CRHBP: variants seen among roughly 807,000 people sequenced by gnomAD.
CRHBP encodes corticotropin-releasing hormone-binding protein.
Under a neutral mutation model 34.9 loss-of-function variants are expected in CRHBP, and 19 were observed. That is an observed-to-expected ratio of 0.55 (90% CI 0.38 to 0.80). The LOEUF (loss-of-function observed/expected upper bound fraction) is 0.80, where lower values mean the gene tolerates loss of function less well. Ranked by LOEUF, CRHBP falls within the 30% of genes least tolerant of loss-of-function variation. CRHBP has a pLI of 0.00. For synonymous variants in CRHBP, 154 were observed against 153.4 expected (o/e 1.00, Z -0.03); for missense variants, 328 against 409.2 (o/e 0.80, Z 1.71).
chr5:76,953,054 C>G lies in CRHBP; in HGVS notation c.-81C>G. ...GCAAAGGGACCCTACCAGCTTCTAG[C>G]TCTCAGTCTGCGCGAGGGTGTAGGA... On this transcript the variant is annotated 5_prime_UTR_variant, in exon 1 of 7. Transcript: ENST00000274368. The G allele has an allele frequency of 2.1e-6, 3 of 1,419,138 alleles. No homozygotes were observed. The highest frequency in any genetic ancestry group is 3.0e-6 in the Non-Finnish European group (3 of 1,004,958). The allele number at this position is 1,419,138 out of a possible 1,614,324, so 87.9% of individuals were successfully genotyped here.
intron 2 of CRHBP, among the ~76,000 whole-genome samples, chr5:76,975,956 G>T (rs1355818985): frequency 7.1e-6 from 1 of 141,584 alleles, no homozygotes. Context: ...ATATATATGC[G>T]TGTATATATA....
At chr5:76,975,845 T>TATATATATACAC (rs1237085128) in intron 2 of CRHBP, among the ~76,000 whole-genome samples, 15 of 97,638 alleles carry the variant, frequency 1.5e-4, no homozygotes, top group African/African-American at 8.6e-4. Context: ...TATATATATA[T>TATATATATACAC]ACACGCATAT....
chr5:76,957,915 T>C (rs1745711640), intron 4 of CRHBP, among the ~76,000 whole-genome samples: 1 of 152,058 alleles, frequency 6.6e-6, no homozygotes, highest in African/African-American at 2.4e-5. Flanking sequence ...ATCCTACACT[T>C]TGGGAGGCTG....
downstream of CRHBP, among the ~76,000 whole-genome samples, chr5:76,970,840 A>G (rs112483229): frequency 6.6e-6 from 1 of 152,216 alleles, no homozygotes; most frequent in African/African-American, 2.4e-5. Flanking sequence ...GCCTCTCTGC[A>G]GTAAGACAGG....
At position 76,957,038 on chromosome 5, in the gene CRHBP, T is replaced by C. The variant is rs148269530; in HGVS notation, c.544+1175T>C. Among the ~76,000 whole-genome samples, 750 of 152,168 alleles carry C rather than the reference T, an allele frequency of 4.9e-3. 4 individuals carry two copies. Among genetic ancestry groups the C allele is most frequent in the African/African-American group, 0.017 (699 of 41,512 alleles). On this transcript the variant is annotated intron_variant, in intron 4 of 6. Coordinates refer to ENST00000274368, the MANE Select transcript of CRHBP (RefSeq NM_001882.4). ...AGAGTTTCCCCTATATTTTGTTTAG[T>C]TAGAAATCAGAAACCTCCTGGGCCA...
chr5:76,976,597 G>T (rs368300346), intron 3 of CRHBP: 1 of 152,166 alleles, frequency 6.6e-6, no homozygotes, highest in African/African-American at 2.4e-5. Flanking sequence ...GCTTCGTTAC[G>T]TGTCAGGTAT....
At position 76,953,089 on chromosome 5, in the gene CRHBP, C is replaced by A. The variant is rs780933757; in HGVS notation, c.-46C>A. 1.2e-6 allele frequency: 2 copies of A among 1,601,616 alleles called. No individual in the cohort carries two copies. Among genetic ancestry groups the A allele is most frequent in the African/African-American group, 1.3e-5 (1 of 74,668 alleles). On this transcript the variant is annotated 5_prime_UTR_variant, in exon 1 of 7. Transcript: ENST00000274368. ...GCGCGAGGGTGTAGGAAGGAAAGCC[C>A]AGGACCTCCGGAGCAGAGCACAGCA...
At chr5:76,957,037 G>C (rs1745682683) in intron 4 of CRHBP, among the ~76,000 whole-genome samples, 1 of 152,092 alleles carries the variant, frequency 6.6e-6, no homozygotes, top group African/African-American at 2.4e-5. Context: ...ATTTTGTTTA[G>C]TTAGAAATCA....
intron 3 of CRHBP, among the ~76,000 whole-genome samples, chr5:76,976,831 T>C (rs1246914695): frequency 1.3e-5 from 2 of 152,178 alleles, no homozygotes; most frequent in African/African-American, 2.4e-5. Context: ...AAAGAGAAAA[T>C]AGCTTGTTTT....
intron 3 of CRHBP, among the ~76,000 whole-genome samples, chr5:76,978,514 C>A (rs1461035871): frequency 6.6e-6 from 1 of 150,616 alleles, no homozygotes; most frequent in African/African-American, 2.5e-5. Context: ...ATATTTGAAC[C>A]TGACTGTTGA....
downstream of CRHBP, among the ~76,000 whole-genome samples, chr5:76,972,839 A>C (rs1341765742): frequency 6.6e-6 from 1 of 152,216 alleles, no homozygotes; most frequent in Non-Finnish European, 1.5e-5. Flanking sequence ...ATCAGAACTC[A>C]CTTTACAACC....
chr5:76,963,512 A>T, intron 6 of CRHBP, 52 bp downstream of exon 6: 1 of 1,468,756 alleles, frequency 6.8e-7, no homozygotes, highest in Non-Finnish European at 9.4e-7. Context: ...TTAAAAAAAA[A>T]TAAGCACTCC....
chr5:76,963,028 G>T (rs549825267), intron 5 of CRHBP, among the ~76,000 whole-genome samples: 26 of 151,958 alleles, frequency 1.7e-4, no homozygotes, highest in Middle Eastern at 3.4e-3. Flanking sequence ...TTTTTTGGTT[G>T]AATTTCCACA....
chr5:76,964,010 C>G (rs1561266789), intron 6 of CRHBP, among the ~76,000 whole-genome samples: 1 of 152,148 alleles, frequency 6.6e-6, no homozygotes, highest in Non-Finnish European at 1.5e-5. Context: ...ATTCTGAAAT[C>G]TAAAAGCGGT....
intron 2 of CRHBP, among the ~76,000 whole-genome samples, chr5:76,975,845 T>TATATATATATATATATATATATATAC (rs1237085128): frequency 1.0e-5 from 1 of 97,662 alleles, no homozygotes; most frequent in Non-Finnish European, 1.8e-5. Flanking sequence ...TATATATATA[T>TATATATATATATATATATATATATAC]ACACGCATAT....
intron 3 of CRHBP, among the ~76,000 whole-genome samples, chr5:76,977,789 G>C (rs1430208016): frequency 6.6e-6 from 1 of 152,228 alleles, no homozygotes; most frequent in Non-Finnish European, 1.5e-5. Context: ...ATTAAGCTTA[G>C]TGAAGAAGGC....
intron 3 of CRHBP, among the ~76,000 whole-genome samples, chr5:76,954,608 A>C (rs1745639166): frequency 6.6e-6 from 1 of 152,090 alleles, no homozygotes; most frequent in Non-Finnish European, 1.5e-5. Context: ...CCCGCCCCAC[A>C]CGTCTCACAT....
At chr5:76,956,045 TA>T (rs1472021417) in intron 4 of CRHBP, among the ~76,000 whole-genome samples, 182 bp downstream of exon 4, 1 of 152,254 alleles carries the variant, frequency 6.6e-6, no homozygotes, top group Admixed American at 6.5e-5. Flanking sequence ...TCACAGTTTT[TA>T]ATTTATTTCC....
intron 5 of CRHBP, 135 bp downstream of exon 5, chr5:76,959,024 T>C (rs1745734408): frequency 1.1e-6 from 1 of 875,022 alleles, no homozygotes; most frequent in Middle Eastern, 2.3e-4. Flanking sequence ...AAATCTCAAA[T>C]GTGTTTGCCC....
Sources: gnomAD v4.1 joint callset for allele counts (sites outside exome capture counted in the v4.1 genomes callset) on GRCh38, gnomAD v4.1.1 for gene constraint, MANE v1.5 for transcripts, NCBI Gene and HGNC (gene_info 2026-07-23, HGNC 2026-07-21) for gene names.